The following TMEM135 variants were observed in gnomAD, a reference collection of about 807,000 sequenced individuals.
The protein encoded by TMEM135 is transmembrane protein 135.
TMEM135 carries 30 observed loss-of-function variants against 60.3 expected under a neutral mutation model. That is an observed-to-expected ratio of 0.50 (90% CI 0.37 to 0.68). The LOEUF (loss-of-function observed/expected upper bound fraction) is 0.68, where lower values mean the gene tolerates loss of function less well. Ranked by LOEUF, TMEM135 falls within the 30% of genes least tolerant of loss-of-function variation. The pLI is 0.00. For missense variants in TMEM135, 468 were observed against 548.8 expected, an observed-to-expected ratio of 0.85 and a Z score of 1.47; for synonymous variants, 190 against 186.7, an observed-to-expected ratio of 1.02 and a Z score of -0.14.
chr11:87,163,254 T>C (rs947471413), intron 5 of TMEM135, among the ~76,000 whole-genome samples: 8 of 141,536 alleles, frequency 5.7e-5, no homozygotes, highest in Non-Finnish European at 7.6e-5. Context: ...GATCTCATTG[T>C]TCAATTCCCA....
chr11:87,047,375 G>C (rs961411594), intron 1 of TMEM135, among the ~76,000 whole-genome samples: 6 of 151,780 alleles, frequency 4.0e-5, no homozygotes, highest in African/African-American at 9.7e-5. Context: ...CGCAGAAGAC[G>C]GGTGATTTCT....
intron 5 of TMEM135, among the ~76,000 whole-genome samples, chr11:87,178,791 A>G (rs4944676): frequency 0.17 from 25,254 of 151,856 alleles, 2,466 homozygotes; most frequent in African/African-American, 0.27. Context: ...ACTGAATAGT[A>G]TTCCATTGTT....
At chr11:87,178,207 C>G (rs1186347813) in intron 5 of TMEM135, among the ~76,000 whole-genome samples, 1 of 151,854 alleles carries the variant, frequency 6.6e-6, no homozygotes, top group Non-Finnish European at 1.5e-5. Flanking sequence ...TTTTTGGTGA[C>G]CAGTCCCTAG....
chr11:87,305,974 A>G lies in TMEM135; in HGVS notation c.737A>G (p.Tyr246Cys). The G allele has an allele frequency of 1.9e-6, 3 of 1,603,438 alleles. No homozygotes were observed. The highest frequency in any genetic ancestry group is 1.3e-5 in the African/African-American group (1 of 74,880). The stretch of plus-strand genomic sequence containing the variant: ...CCAAGGCATAGATGTTGCAAACATT[A>G]TGAAGATAATTGCATCTCTTATTGC... ...HGPRHRCCKHYEDNCISYCIK... is the reference protein window; with the variant it reads ...HGPRHRCCKHCEDNCISYCIK... Residue 246 changes from tyrosine to cysteine, a missense_variant, in exon 9 of 15, where the codon TAT becomes TGT. Transcript: ENST00000305494.
intron 3 of TMEM135, among the ~76,000 whole-genome samples, chr11:87,082,158 GT>G (rs1429528071): frequency 1.3e-5 from 2 of 152,070 alleles, no homozygotes; most frequent in African/African-American, 2.4e-5. Flanking sequence ...ATCAGGTTTT[GT>G]ATTTTTTCTT....
chr11:87,121,530 A>G (rs1355709939), intron 4 of TMEM135: 1 of 152,126 alleles, frequency 6.6e-6, no homozygotes, highest in African/African-American at 2.4e-5. Flanking sequence ...AAGGTATTAT[A>G]TACAGAGCAC....
At chr11:87,238,955 C>G (rs1304063282) in intron 6 of TMEM135, among the ~76,000 whole-genome samples, 1 of 151,964 alleles carries the variant, frequency 6.6e-6, no homozygotes, top group African/African-American at 2.4e-5. Context: ...TGTAGCATTT[C>G]TTAGTCATCA....
intron 5 of TMEM135, among the ~76,000 whole-genome samples, chr11:87,227,996 CTAAG>C (rs1940802232): frequency 6.6e-6 from 1 of 152,068 alleles, no homozygotes. Context: ...ACTTTGTGTT[CTAAG>C]TAAGTAAGAG....
At chr11:87,171,296 T>G (rs1315885748) in intron 5 of TMEM135, among the ~76,000 whole-genome samples, 3 of 152,068 alleles carry the variant, frequency 2.0e-5, no homozygotes, top group Non-Finnish European at 2.9e-5. Context: ...CTCTTATCAC[T>G]GTTTTTCCAA....
intron 5 of TMEM135, among the ~76,000 whole-genome samples, chr11:87,234,592 A>C (rs663557): frequency 6.6e-6 from 1 of 152,092 alleles, no homozygotes; most frequent in Non-Finnish European, 1.5e-5. Flanking sequence ...AGATAAAAAC[A>C]ATCTGCTGAT....
intron 5 of TMEM135, among the ~76,000 whole-genome samples, chr11:87,189,019 G>A (rs181277759): frequency 4.6e-5 from 7 of 151,826 alleles, no homozygotes; most frequent in Admixed American, 3.9e-4. Context: ...TTTGGGTTGT[G>A]TTCAATATTT....
At chr11:87,246,705 G>T (rs1188892402) in intron 6 of TMEM135, among the ~76,000 whole-genome samples, 1 of 141,466 alleles carries the variant, frequency 7.1e-6, no homozygotes, top group Middle Eastern at 3.4e-3. Context: ...AGCTCCATCA[G>T]CTCCTTTAAG....
chr11:87,161,239 A>G (rs1938870109), intron 5 of TMEM135, among the ~76,000 whole-genome samples: 2 of 152,154 alleles, frequency 1.3e-5, no homozygotes, highest in Admixed American at 1.3e-4. Context: ...TTGAGGGGCT[A>G]ACTTTTAAAA....
At chr11:87,222,292 C>T (rs1337925941) in intron 5 of TMEM135, among the ~76,000 whole-genome samples, 3 of 146,644 alleles carry the variant, frequency 2.0e-5, no homozygotes, top group East Asian at 2.0e-4. Flanking sequence ...GTCAGGAGAT[C>T]GAGACCATCC....
At chr11:87,266,753 A>G (rs1941756434) in intron 6 of TMEM135, among the ~76,000 whole-genome samples, 1 of 152,174 alleles carries the variant, frequency 6.6e-6, no homozygotes, top group South Asian at 2.1e-4. Context: ...GTCTTTGCTG[A>G]AAGAAAGGAT....
intron 5 of TMEM135, among the ~76,000 whole-genome samples, chr11:87,162,856 A>G (rs188105752): frequency 8.7e-4 from 132 of 152,130 alleles, no homozygotes; most frequent in African/African-American, 2.9e-3. Context: ...AAGCATTCCT[A>G]TTTCTCCACA....
chr11:87,116,187 G>T (rs12288001), intron 4 of TMEM135, among the ~76,000 whole-genome samples: 19,593 of 151,968 alleles, frequency 0.13, 1,351 homozygotes, highest in Middle Eastern at 0.15. Context: ...TACATATATT[G>T]TCATAGTTTA....
intron 5 of TMEM135, among the ~76,000 whole-genome samples, chr11:87,211,511 C>G (rs1940369333): frequency 6.6e-6 from 1 of 152,126 alleles, no homozygotes; most frequent in Admixed American, 6.5e-5. Context: ...GGAACCATTG[C>G]AGAATTTGGT....
intron 4 of TMEM135, among the ~76,000 whole-genome samples, chr11:87,125,762 T>C (rs186953782): frequency 6.6e-6 from 1 of 152,318 alleles, no homozygotes. Context: ...GTAAAGGGGA[T>C]GGACAGCAGT....
Sources: allele counts gnomAD v4.1 joint callset (sites outside exome capture counted in the v4.1 genomes callset), GRCh38; gene constraint gnomAD v4.1.1; transcripts MANE v1.5; gene names NCBI Gene and HGNC (gene_info 2026-07-23, HGNC 2026-07-21).